The following ANO2 variants were observed in gnomAD, a reference collection of about 807,000 sequenced individuals.
ANO2 encodes anoctamin-2.
Under a neutral mutation model 124.2 loss-of-function variants are expected in ANO2, and 101 were observed. That is an observed-to-expected ratio of 0.81 (90% CI 0.69 to 0.96). The LOEUF is 0.96. Ranked by LOEUF, ANO2 falls within the 40% of genes least tolerant of loss-of-function variation. The pLI is 0.00. For synonymous variants in ANO2, 486 were observed against 482.5 expected, an observed-to-expected ratio of 1.01 and a Z score of -0.09; for missense variants, 1,293 against 1,274.5, an observed-to-expected ratio of 1.01 and a Z score of -0.22.
chr12:5,939,616 A>G (rs1179012077), intron 1 of ANO2, among the ~76,000 whole-genome samples: 7 of 152,240 alleles, frequency 4.6e-5, no homozygotes, highest in Non-Finnish European at 7.3e-5. Flanking sequence ...TAACGCTCTT[A>G]TAAGTAATTT....
At chr12:5,692,965 C>T (rs923686824) in intron 14 of ANO2, among the ~76,000 whole-genome samples, 2 of 152,190 alleles carry the variant, frequency 1.3e-5, no homozygotes, top group African/African-American at 4.8e-5. Context: ...ACATGTTCCT[C>T]GCATGACCCC....
At chr12:5,832,213 G>A (rs1405410708) in intron 5 of ANO2, among the ~76,000 whole-genome samples, 1 of 152,168 alleles carries the variant, frequency 6.6e-6, no homozygotes, top group Non-Finnish European at 1.5e-5. Flanking sequence ...CCTGCAAAAT[G>A]GTGAAATGGT....
chr12:5,599,521 T>C lies in ANO2; in HGVS notation c.2196A>G (p.Glu732=). 1.9e-6 allele frequency: 3 copies of C among 1,613,578 alleles called. No homozygotes were observed. The highest frequency in any genetic ancestry group is 2.5e-6 in the Non-Finnish European group (3 of 1,179,776). ...ACTCCGGAGTCAGTCCTGTGTATGG[T>C]TCCAAGCTGTAGTCTAGGTCCCACT... ...PEQWDLDYSL[E]PYTGLTPEYM... is the part of the protein sequence containing the mutation. The change falls in exon 20 of 25, where the codon GAA becomes GAG. Residue 732 remains glutamate (E), a synonymous_variant. Coordinates refer to ENST00000682330, the MANE Select transcript of ANO2 (RefSeq NM_001364791.2).
intron 14 of ANO2, among the ~76,000 whole-genome samples, chr12:5,728,006 C>T (rs1950509541): frequency 6.6e-6 from 1 of 152,216 alleles, no homozygotes; most frequent in Admixed American, 6.5e-5. Context: ...TGGGGTTTCA[C>T]CATGTTAGCC....
chr12:5,918,438 C>CT (rs59787191), intron 3 of ANO2, among the ~76,000 whole-genome samples: 440 of 118,910 alleles, frequency 3.7e-3, no homozygotes, highest in Middle Eastern at 0.014. Context: ...TAACTTGAAT[C>CT]TTTTTTTTTT....
chr12:5,933,396 A>C (rs1942513141), intron 1 of ANO2, among the ~76,000 whole-genome samples: 1 of 152,186 alleles, frequency 6.6e-6, no homozygotes, highest in Non-Finnish European at 1.5e-5. Context: ...TATAATGTTA[A>C]AAGATTTTAA....
chr12:5,750,594 T>A (rs545264830), intron 11 of ANO2, among the ~76,000 whole-genome samples: 31 of 152,338 alleles, frequency 2.0e-4, no homozygotes, highest in African/African-American at 6.3e-4. Flanking sequence ...CACATCCCCC[T>A]GCCCTGGAGA....
intron 10 of ANO2, among the ~76,000 whole-genome samples, chr12:5,767,524 C>T (rs1951933773): frequency 6.6e-6 from 1 of 152,222 alleles, no homozygotes; most frequent in Non-Finnish European, 1.5e-5. Flanking sequence ...ATTTATTCAG[C>T]ATCTATATGT....
At chr12:5,806,571 C>T (rs944894344) in intron 8 of ANO2, among the ~76,000 whole-genome samples, 8 of 152,338 alleles carry the variant, frequency 5.3e-5, no homozygotes, top group Admixed American at 1.3e-4. Context: ...CCGCATGGCA[C>T]GTGCCCAAGA....
chr12:5,584,610 A>G (rs1198853060), intron 20 of ANO2, among the ~76,000 whole-genome samples: 1 of 152,192 alleles, frequency 6.6e-6, no homozygotes, highest in African/African-American at 2.4e-5. Flanking sequence ...GAAGGTCATA[A>G]CTATTTATTT....
In ANO2 at chr12:5,744,148, G is replaced by C; in HGVS notation, c.1351+9C>G. 6.2e-7 allele frequency: 1 copy of C among 1,613,146 alleles called. No homozygotes were observed. The highest frequency in any genetic ancestry group is 1.1e-5 in the South Asian group (1 of 91,064). ...ACCCATATAAGCAAGCCTGGTGATG[G>C]CCACATACCCCACAGAGCCATGAAG... On this transcript the variant is annotated intron_variant, in intron 12 of 24. Coordinates refer to ENST00000682330, the MANE Select transcript of ANO2 (RefSeq NM_001364791.2).
intron 11 of ANO2, 79 bp from the exon 12 acceptor site, chr12:5,744,396 T>C: frequency 1.3e-6 from 2 of 1,508,694 alleles, no homozygotes; most frequent in Non-Finnish European, 1.8e-6. Context: ...CCCAAATAGC[T>C]CCCATTTCCA....
intron 3 of ANO2, among the ~76,000 whole-genome samples, chr12:5,887,864 A>G (rs1020505616): frequency 1.3e-5 from 2 of 150,588 alleles, no homozygotes; most frequent in African/African-American, 4.9e-5. Context: ...TGGAAACATG[A>G]AGTTTTATGA....
chr12:5,599,444 G>T, intron 20 of ANO2, 40 bp downstream of exon 20: 1 of 1,572,764 alleles, frequency 6.4e-7, no homozygotes, highest in South Asian at 1.2e-5. Flanking sequence ...CCCCTTGTCT[G>T]AACCTGCCCC....
chr12:5,761,293 A>G (rs368366663), intron 10 of ANO2, among the ~76,000 whole-genome samples: 2 of 152,258 alleles, frequency 1.3e-5, no homozygotes, highest in African/African-American at 4.8e-5. Context: ...AAAAAAAAGA[A>G]GAAAGGGGGA....
intron 14 of ANO2, among the ~76,000 whole-genome samples, chr12:5,699,078 G>C (rs1052597816): frequency 6.6e-6 from 1 of 152,092 alleles, no homozygotes; most frequent in African/African-American, 2.4e-5. Flanking sequence ...TTCAAATTCA[G>C]GAAATACAGA....
chr12:5,886,217 C>A (rs151185492), intron 3 of ANO2, among the ~76,000 whole-genome samples: 1 of 151,390 alleles, frequency 6.6e-6, no homozygotes, highest in Non-Finnish European at 1.5e-5. Context: ...ATAGCCAAGG[C>A]AAATGGAAGC....
intron 14 of ANO2, among the ~76,000 whole-genome samples, chr12:5,694,770 G>A (rs1399681183): frequency 6.6e-6 from 1 of 152,084 alleles, no homozygotes; most frequent in East Asian, 1.9e-4. Flanking sequence ...TTTTTAACTA[G>A]CATTAATTTT....
intron 4 of ANO2, chr12:5,839,521 T>C (rs1324147428): frequency 1.5e-5 from 7 of 452,126 alleles, no homozygotes; most frequent in African/African-American, 8.0e-5. Flanking sequence ...TAAAAAGTAT[T>C]GTCCAAGGCT....
Sources: gnomAD v4.1 joint callset for allele counts (sites outside exome capture counted in the v4.1 genomes callset) on GRCh38, gnomAD v4.1.1 for gene constraint, MANE v1.5 for transcripts, NCBI Gene and HGNC (gene_info 2026-07-23, HGNC 2026-07-21) for gene names.